Variants in LARP6 observed in about 807,000 individuals in gnomAD.
LARP6 encodes La ribonucleoprotein 6, translational regulator, also known as la-related protein 6.
LARP6 carries 18 observed loss-of-function variants against 32.8 expected under a neutral mutation model. The observed-to-expected ratio is 0.55, with a 90% CI of 0.38 to 0.81. The LOEUF is 0.81. LARP6 is among the 40% of genes least tolerant of loss of function. The pLI is 0.00. For synonymous variants in LARP6, 289 were observed against 267.2 expected (o/e 1.08, Z -0.80); for missense variants, 598 against 663.1 (o/e 0.90, Z 1.08).
At chr15:70,849,391 A>AC (rs925061130) in intron 1 of LARP6, 3 of 156,336 alleles carry the variant, frequency 1.9e-5, no homozygotes, top group African/African-American at 4.8e-5. Context: ...AAACAAACAA[A>AC]AAAATATATA....
chr15:70,854,022 G>A lies in LARP6; in HGVS notation c.67C>T (p.Gln23Ter). ...AACTCGTCCACGTCCTCGGCCTCCTGGATGGCGACGCGGATCTGCACCGCC... is the reference window on the plus strand; with the variant it reads ...AACTCGTCCACGTCCTCGGCCTCCTAGATGGCGACGCGGATCTGCACCGCC... ...KTAVQIRVAIQEAEDVDELED... is the reference protein window; with the variant it reads ...KTAVQIRVAI The change falls in exon 1 of 3, where the codon CAG becomes TAG. Residue 23 changes from glutamine to a stop codon, truncating the protein, a stop_gained. Coordinates refer to ENST00000299213, the MANE Select transcript of LARP6 (RefSeq NM_018357.4). LOFTEE classifies it high-confidence loss of function. 6.9e-7 allele frequency: 1 copy of A among 1,455,142 alleles called. No homozygotes were observed. Among genetic ancestry groups the A allele is most frequent in the Admixed American group, 2.4e-5 (1 of 40,974 alleles). The allele number at this position is 1,455,142 out of a possible 1,614,324, so 90.1% of individuals were successfully genotyped here. A position where few individuals can be genotyped will look rare whatever the true frequency, so the allele number is the denominator to read the frequency against.
Position 70,830,328 on chromosome 15 carries a change from C to G in LARP6, c.*1724G>C, listed in dbSNP as rs940601536. ...TTGGGATATTATTTTCCTACTTCAG[C>G]AGCTGCATGTGTGATACTGGCATAA... On this transcript the variant is annotated 3_prime_UTR_variant, in exon 3 of 3. Coordinates refer to ENST00000299213, the MANE Select transcript of LARP6 (RefSeq NM_018357.4). 1.1e-4 allele frequency: 17 copies of G among 152,240 alleles called. No individual in the cohort carries two copies. The highest frequency in any genetic ancestry group is 2.4e-4 in the Non-Finnish European group (16 of 68,056). The allele number at this position is 152,240 out of a possible 1,614,324, so 9.4% of individuals were successfully genotyped here.
In LARP6 at chr15:70,836,906, G is replaced by A. The variant is rs190746825; in HGVS notation, c.201-401C>T. On this transcript the variant is annotated intron_variant, in intron 1 of 2. Coordinates refer to ENST00000299213, the MANE Select transcript of LARP6 (RefSeq NM_018357.4). ...ATTCACACCTTGATTTCGGGCTTCAGGCCTCCAGAACCATAAAACAATATA... is the reference window on the plus strand; with the variant it reads ...ATTCACACCTTGATTTCGGGCTTCAAGCCTCCAGAACCATAAAACAATATA... Among the ~76,000 whole-genome samples, 3 of 152,262 alleles carry A rather than the reference G, an allele frequency of 2.0e-5. No homozygotes were observed. In the East Asian group the frequency reaches 5.8e-4, roughly 29 times the overall value.
chr15:70,839,082 C>G (rs1239199919), intron 1 of LARP6, among the ~76,000 whole-genome samples: 1 of 152,070 alleles, frequency 6.6e-6, no homozygotes, highest in Non-Finnish European at 1.5e-5. Context: ...AGAGTTTTAG[C>G]TATTTGCCTG....
chr15:70,832,919 G>T lies in LARP6; in HGVS notation c.609C>A (p.Pro203=), dbSNP rs766327224. Residue 203 remains proline (P), a synonymous_variant, in exon 3 of 3, where the codon CCC becomes CCA. Coordinates refer to ENST00000299213, the MANE Select transcript of LARP6 (RefSeq NM_018357.4). ...LSPKLWALAT[P]QKNGRVQEKV... ...TCTCTTGCACCCTTCCATTCTTCTGGGGGGTGGCCAGAGCCCACAGCTTAG... is the reference window on the plus strand; with the variant it reads ...TCTCTTGCACCCTTCCATTCTTCTGTGGGGTGGCCAGAGCCCACAGCTTAG... The T allele has an allele frequency of 6.2e-7, 1 of 1,602,360 alleles. No homozygotes were observed. Among genetic ancestry groups the T allele is most frequent in the Admixed American group, 1.7e-5 (1 of 58,264 alleles).
intron 1 of LARP6, among the ~76,000 whole-genome samples, chr15:70,846,120 G>A (rs1016801071): frequency 6.6e-6 from 1 of 152,158 alleles, no homozygotes; most frequent in African/African-American, 2.4e-5. Context: ...CCCAACCAGA[G>A]TCTTTCTAGG....
intron 1 of LARP6, among the ~76,000 whole-genome samples, chr15:70,847,995 GATTTCTTTTGACTC>G (rs2032378052): frequency 1.3e-5 from 2 of 152,084 alleles, no homozygotes; most frequent in African/African-American, 4.8e-5. Flanking sequence ...GTCTGTGTGA[GATTTCTTTTGACTC>G]ACCTCTAGAA....
rs1207006041 is a variant in LARP6 at position 70,854,133 on chromosome 15, C to T, written c.-45G>A. The T allele has an allele frequency of 3.8e-5, 46 of 1,204,946 alleles. No individual in the cohort carries two copies. The highest frequency in any genetic ancestry group is 6.3e-4 in the Middle Eastern group (2 of 3,188). 74.6% of individuals were successfully genotyped at this position (1,204,946 alleles called of 1,614,324 possible). Reference sequence around the variant, plus strand: ...CCGCCGGGGTCCTCACGCCGCAAGGCCCAGCCAGCCGGTCGGCAGCGACTG... The same window carrying T: ...CCGCCGGGGTCCTCACGCCGCAAGGTCCAGCCAGCCGGTCGGCAGCGACTG... On this transcript the variant is annotated 5_prime_UTR_variant, in exon 1 of 3. Coordinates refer to ENST00000299213, the MANE Select transcript of LARP6 (RefSeq NM_018357.4).
At position 70,832,516 on chromosome 15, in the gene LARP6, T is replaced by C. The variant is rs2032066667; in HGVS notation, c.1012A>G (p.Ser338Gly). 1 of 1,542,068 alleles carries C rather than the reference T, an allele frequency of 6.5e-7. No homozygotes were observed. Among genetic ancestry groups the C allele is most frequent in the African/African-American group, 1.4e-5 (1 of 72,270 alleles). Residue 338 changes from serine to glycine, a missense_variant, in exon 3 of 3, where the codon AGC (serine) becomes GGC (glycine). By Grantham distance (56) the Ser-to-Gly change is moderately conservative. This residue lies in a region of LARP6 where 368 missense variants were observed against 397.9 expected (regional missense o/e 0.92). Transcript: ENST00000299213. The part of the protein sequence containing the change: ...QYMGDESSAN[S>G]SSDPESNPTS... ...GGGTTGCTCTCGGGGTCAGAGGAGCTGTTGGCAGAAGACTCATCACCCATG... is the reference window on the plus strand; with the variant it reads ...GGGTTGCTCTCGGGGTCAGAGGAGCCGTTGGCAGAAGACTCATCACCCATG...
chr15:70,850,433 C>T (rs1422865674), intron 1 of LARP6, among the ~76,000 whole-genome samples: 1 of 152,102 alleles, frequency 6.6e-6, no homozygotes, highest in African/African-American at 2.4e-5. Flanking sequence ...AACATAGATG[C>T]AAAAATCCTC....
rs147561415 is a variant in LARP6, at chr15:70,847,232, C to T, written c.200+6657G>A. On this transcript the variant is annotated intron_variant, in intron 1 of 2. Transcript: ENST00000299213. The stretch of plus-strand genomic sequence containing the variant: ...AAAAAGTTTTACACTTAAGGTTTTG[C>T]TTTGTTTTGTTTTTTAACAAAACAT... Among the ~76,000 whole-genome samples, 453 of 152,184 alleles carry T rather than the reference C, an allele frequency of 3.0e-3. 6 individuals are homozygous for T. The highest frequency in any genetic ancestry group is 0.011 in the African/African-American group (439 of 41,512).
intron 1 of LARP6, among the ~76,000 whole-genome samples, chr15:70,842,401 T>C (rs2032273338): frequency 1.3e-5 from 2 of 152,062 alleles, no homozygotes; most frequent in Admixed American, 1.3e-4. Context: ...CCTGACACTT[T>C]ATCCCCTAGC....
At chr15:70,844,371 C>T (rs1435318820) in intron 1 of LARP6, among the ~76,000 whole-genome samples, 2 of 152,206 alleles carry the variant, frequency 1.3e-5, no homozygotes, top group Non-Finnish European at 2.9e-5. Context: ...GTCCTACTCT[C>T]TCTTCCATCT....
intron 1 of LARP6, chr15:70,851,863 G>C: frequency 7.3e-7 from 1 of 1,363,016 alleles, no homozygotes; most frequent in Non-Finnish European, 1.0e-6. Context: ...AGGCAGCGAA[G>C]TTTTAAAGGC....
At chr15:70,836,247 A>G in intron 2 of LARP6, 48 bp downstream of exon 2, 1 of 1,553,214 alleles carries the variant, frequency 6.4e-7, no homozygotes, top group Non-Finnish European at 8.9e-7. Flanking sequence ...ACCACAACCC[A>G]AAACAAACTT....
intron 1 of LARP6, chr15:70,851,443 G>T: frequency 7.9e-7 from 1 of 1,273,250 alleles, no homozygotes. Context: ...AGGCTGTAAA[G>T]ACTTTTCTTT....
At chr15:70,842,014 C>A (rs1208762867) in intron 1 of LARP6, among the ~76,000 whole-genome samples, 1 of 152,046 alleles carries the variant, frequency 6.6e-6, no homozygotes, top group African/African-American at 2.4e-5. Context: ...TTCTTCTCCC[C>A]ATTTTATGTC....
At chr15:70,846,988 C>T (rs993066757) in intron 1 of LARP6, among the ~76,000 whole-genome samples, 1 of 152,224 alleles carries the variant, frequency 6.6e-6, no homozygotes, top group Non-Finnish European at 1.5e-5. Flanking sequence ...CTTGTGTGCA[C>T]ATTTTATTAG....
At chr15:70,847,750 C>T (rs768116443) in intron 1 of LARP6, among the ~76,000 whole-genome samples, 3 of 151,868 alleles carry the variant, frequency 2.0e-5, no homozygotes, top group South Asian at 2.1e-4. Context: ...ACACTGATTG[C>T]GCAGTTAATC....
Sources: allele counts gnomAD v4.1 joint callset (sites outside exome capture counted in the v4.1 genomes callset), GRCh38; gene constraint gnomAD v4.1.1; regional missense constraint gnomAD v4.1.1; transcripts MANE v1.5; gene names NCBI Gene and HGNC (gene_info 2026-07-23, HGNC 2026-07-21).